Variants in CTNS observed in about 807,000 individuals in gnomAD.
The protein encoded by CTNS is cystinosin, lysosomal cystine transporter.
A neutral mutation model predicts 43.7 loss-of-function variants in CTNS; 27 were observed. The observed-to-expected ratio is 0.62, with a 90% CI of 0.46 to 0.85. The LOEUF is 0.85. CTNS is among the 40% of genes least tolerant of loss of function. The pLI is 0.00. For missense variants in CTNS, 457 were observed against 475.4 expected (o/e 0.96, Z 0.36); for synonymous variants, 187 against 190.6 (o/e 0.98, Z 0.16).
rs1457748278 is a variant in CTNS, at chr17:3,661,405, TC to T, written c.*1038del. Reference sequence around the variant, plus strand: ...CCTTCCCTCTGCCCAAAGCTGTCCTTCCTATGGCAGGAGGGGTGGGGGTCCC... The same window carrying T: ...CCTTCCCTCTGCCCAAAGCTGTCCTTCTATGGCAGGAGGGGTGGGGGTCCC... On this transcript the variant is annotated 3_prime_UTR_variant, in exon 12 of 12. Transcript: ENST00000046640. 2 of 146,282 alleles carry T rather than the reference TC, an allele frequency of 1.4e-5. No homozygotes were observed. The highest frequency in any genetic ancestry group is 3.0e-5 in the Non-Finnish European group (2 of 66,396). The allele number at this position is 146,282 out of a possible 1,614,324, so 9.1% of individuals were successfully genotyped here. A position where few individuals can be genotyped will look rare whatever the true frequency, so the allele number is the denominator to read the frequency against.
At position 3,658,151 on chromosome 17, in the gene CTNS, C is replaced by CA. The variant is rs752919200; in HGVS notation, c.829dup (p.Thr277AsnfsTer19). 4 of 1,612,076 alleles carry CA rather than the reference C, an allele frequency of 2.5e-6. No individual in the cohort carries two copies. Among genetic ancestry groups the CA allele is most frequent in the Non-Finnish European group, 3.4e-6 (4 of 1,179,774 alleles). ...GCTTCTCCTACATCAAGCTCGCAGT[C>CA]ACGCTGGTCAAGTATTTTCCACAGG... is the stretch of plus-strand genomic sequence containing the variant. On this transcript the variant is annotated frameshift_variant, in exon 10 of 12. Coordinates refer to ENST00000046640, the MANE Select transcript of CTNS (RefSeq NM_004937.3). LOFTEE classifies it high-confidence loss of function.
chr17:3,650,096 T>C (rs1597627384), intron 5 of CTNS: 6 of 1,502,300 alleles, frequency 4.0e-6, no homozygotes, highest in African/African-American at 1.4e-5. Flanking sequence ...CATTTCACAA[T>C]GTATGCATAC....
Position 3,659,858 on chromosome 17 carries a change from G to A in CTNS, c.853G>A (p.Ala285Thr). The A allele has an allele frequency of 4.3e-6, 7 of 1,612,256 alleles. No individual in the cohort carries two copies. The highest frequency in any genetic ancestry group is 5.9e-6 in the Non-Finnish European group (7 of 1,178,462). Reference protein sequence around the residue: ...AVTLVKYFPQAYMNFYYKSTE... With the variant: ...AVTLVKYFPQTYMNFYYKSTE... ...CTGTCTGTCCGTCTGTCTGGCCCAG[G>A]CCTACATGAACTTTTACTACAAAAG... The change falls in exon 11 of 12, where the codon GCC becomes ACC. Residue 285 changes from alanine (A) to threonine (T), a missense_variant and splice_region_variant. Transcript: ENST00000046640.
chr17:3,655,132 C>A (rs201705822), intron 6 of CTNS, 31 bp downstream of exon 6: 192 of 1,613,656 alleles, frequency 1.2e-4, no homozygotes, highest in Non-Finnish European at 1.6e-4. Flanking sequence ...GCGGGCCTCA[C>A]GTGACAAGAA....
chr17:3,647,451 C>A lies in CTNS; in HGVS notation c.69C>A (p.Ser23Arg), dbSNP rs142642362. ...TGATTTGGGTCCTTCCAGAGTCAAG[C>A]GTCAGCCTCACTGTTCCTCCTGTCG... ...PLKLVEKCES[S>R]VSLTVPPVVK... is the part of the protein sequence containing the mutation. The change falls in exon 4 of 12, where the codon AGC becomes AGA. Residue 23 changes from serine (S) to arginine (R), a missense_variant. Transcript: ENST00000046640. The A allele has an allele frequency of 1.2e-6, 2 of 1,614,032 alleles. No individual in the cohort carries two copies. The highest frequency in any genetic ancestry group is 1.7e-5 in the Admixed American group (1 of 60,028).
At position 3,662,887 on chromosome 17, in the gene CTNS, G is replaced by C. The variant is rs2076296495; in HGVS notation, c.*2518G>C. ...ATATCCCAGCCCATGCCTCAGCAAAGCCCCCTGTGAATTCCAGCATTTTTA... is the reference window on the plus strand; with the variant it reads ...ATATCCCAGCCCATGCCTCAGCAAACCCCCCTGTGAATTCCAGCATTTTTA... On this transcript the variant is annotated 3_prime_UTR_variant, in exon 12 of 12. Coordinates refer to ENST00000046640, the MANE Select transcript of CTNS (RefSeq NM_004937.3). 6.6e-6 allele frequency: 1 copy of C among 152,118 alleles called. No homozygotes were observed. The allele number at this position is 152,118 out of a possible 1,614,324, so 9.4% of individuals were successfully genotyped here. A position where few individuals can be genotyped will look rare whatever the true frequency, so the allele number is the denominator to read the frequency against.
chr17:3,645,894 C>T (rs2075830433), intron 3 of CTNS, among the ~76,000 whole-genome samples: 1 of 151,350 alleles, frequency 6.6e-6, no homozygotes, highest in Non-Finnish European at 1.5e-5. Context: ...CCTTCCAACC[C>T]AAGCGTCTAA....
chr17:3,658,284 G>A, intron 10 of CTNS, 109 bp downstream of exon 10: 1 of 1,449,640 alleles, frequency 6.9e-7, no homozygotes, highest in Non-Finnish European at 9.4e-7. Context: ...AAACAGGACG[G>A]AAAGCCACAG....
At chr17:3,658,262 G>A in intron 10 of CTNS, 87 bp downstream of exon 10, 1 of 1,539,062 alleles carries the variant, frequency 6.5e-7, no homozygotes. Context: ...GGCAGCTCCT[G>A]CCGGCGTGAG....
intron 5 of CTNS, among the ~76,000 whole-genome samples, 163 bp downstream of exon 5, chr17:3,649,094 G>A (rs188755993): frequency 6.6e-6 from 1 of 152,306 alleles, no homozygotes; most frequent in East Asian, 1.9e-4. Context: ...AGTATCACAT[G>A]CCATTAGATG....
intron 3 of CTNS, among the ~76,000 whole-genome samples, chr17:3,645,023 C>T (rs1171184062): frequency 6.6e-6 from 1 of 152,220 alleles, no homozygotes; most frequent in Non-Finnish European, 1.5e-5. Context: ...CGCCCAGCAT[C>T]ACTTTCAGCA....
chr17:3,657,421 T>G (rs1356955144), intron 9 of CTNS, among the ~76,000 whole-genome samples: 1 of 152,206 alleles, frequency 6.6e-6, no homozygotes, highest in Non-Finnish European at 1.5e-5. Flanking sequence ...TTGCTTTCCC[T>G]TCTCTCAGGG....
chr17:3,659,598 G>A (rs958899838), intron 10 of CTNS, among the ~76,000 whole-genome samples: 1 of 152,234 alleles, frequency 6.6e-6, no homozygotes, highest in Non-Finnish European at 1.5e-5. Context: ...CATCGGCCCC[G>A]CCTCTGCTGG....
intron 5 of CTNS, among the ~76,000 whole-genome samples, chr17:3,649,824 G>A (rs1311472973): frequency 1.3e-5 from 2 of 152,158 alleles, no homozygotes. Context: ...CAGAGGAGGT[G>A]GCAAATAAGG....
At chr17:3,653,938 G>A (rs367929309) in intron 5 of CTNS, among the ~76,000 whole-genome samples, 205 of 152,126 alleles carry the variant, frequency 1.3e-3, no homozygotes, top group African/African-American at 4.8e-3. Flanking sequence ...GCAGGCCTCC[G>A]GGTACTTTCC....
intron 5 of CTNS, among the ~76,000 whole-genome samples, chr17:3,651,618 C>G (rs1221160685): frequency 2.6e-5 from 4 of 152,122 alleles, no homozygotes; most frequent in African/African-American, 7.2e-5. Context: ...GACATTTCAT[C>G]AAGCTGTGAT....
At chr17:3,641,218 G>A (rs1308061770) in intron 3 of CTNS, among the ~76,000 whole-genome samples, 3 of 151,362 alleles carry the variant, frequency 2.0e-5, no homozygotes, top group East Asian at 1.9e-4. Context: ...TTTGAGGCCC[G>A]TGCCCTTCTA....
chr17:3,660,200 A>T, intron 11 of CTNS, 36 bp from the exon 12 acceptor site: 1 of 1,613,612 alleles, frequency 6.2e-7, no homozygotes, highest in Non-Finnish European at 8.5e-7. Context: ...GGAGCTGCCA[A>T]CCTAACACCA....
At position 3,656,676 on chromosome 17, in the gene CTNS, G is replaced by A. The variant is rs764861416; in HGVS notation, c.562G>A (p.Glu188Lys). 6.2e-7 allele frequency: 1 copy of A among 1,612,952 alleles called. No individual in the cohort carries two copies. The highest frequency in any genetic ancestry group is 8.5e-7 in the Non-Finnish European group (1 of 1,179,852). ...IGLLWVPYIK[E>K]QFLLKYPNGV... is the part of the protein sequence containing the mutation. Reference sequence around the variant, plus strand: ...CCAGCTTCTCCCACCCACCAAACAGGAGCAGTTTCTCCTCAAATACCCCAA... The same window carrying A: ...CCAGCTTCTCCCACCCACCAAACAGAAGCAGTTTCTCCTCAAATACCCCAA... The change falls in exon 9 of 12, where the codon GAG (glutamate) becomes AAG (lysine). Residue 188 changes from glutamate to lysine, a missense_variant and splice_region_variant. By Grantham distance (56) the Glu-to-Lys change is moderately conservative. Transcript: ENST00000046640.
Sources: gnomAD v4.1 joint callset for allele counts (sites outside exome capture counted in the v4.1 genomes callset) on GRCh38, gnomAD v4.1.1 for gene constraint, MANE v1.5 for transcripts, NCBI Gene and HGNC (gene_info 2026-07-23, HGNC 2026-07-21) for gene names.